Variants in CLIC4 observed in about 807,000 individuals in gnomAD.
CLIC4 encodes CLIC family member 4, also known as chloride intracellular channel protein 4.
In CLIC4, 13 loss-of-function variants were observed where a neutral mutation model predicts 24.6. The ratio of observed to expected loss-of-function variants is 0.53; its 90% confidence interval spans 0.34 to 0.84. The LOEUF (loss-of-function observed/expected upper bound fraction) is 0.84. Ranked by LOEUF, CLIC4 falls within the 40% of genes least tolerant of loss-of-function variation. The pLI, the probability that CLIC4 is intolerant of heterozygous loss-of-function variation, is 0.01. For missense variants in CLIC4, 227 were observed against 301.7 expected, an observed-to-expected ratio of 0.75 and a Z score of 1.83; for synonymous variants, 104 against 111.3, an observed-to-expected ratio of 0.93 and a Z score of 0.41.
intron 1 of CLIC4, among the ~76,000 whole-genome samples, chr1:24,784,209 A>C (rs1639238638): frequency 2.0e-5 from 3 of 152,214 alleles, no homozygotes; most frequent in African/African-American, 7.2e-5. Flanking sequence ...GGTACACAAC[A>C]AACAACTCCC....
Position 24,840,940 on chromosome 1 carries a change from T to A in CLIC4, c.*3T>A. 1 of 1,590,386 alleles carries A rather than the reference T, an allele frequency of 6.3e-7. No homozygotes were observed. The highest frequency in any genetic ancestry group is 8.5e-7 in the Non-Finnish European group (1 of 1,170,416). ...TAGCCAAAAGACTCACCAAGTAAAA[T>A]CGCGTTTGTAAAAGAGATGTCTTCA... On this transcript the variant is annotated 3_prime_UTR_variant, in exon 6 of 6. Coordinates refer to ENST00000374379, the MANE Select transcript of CLIC4 (RefSeq NM_013943.3).
rs901916932 is a variant in CLIC4, at chr1:24,841,562, A to C, written c.*625A>C. ...GTAGATAGATTTTTACTTTTGCCTA[A>C]AAGCATTTATCCTTCATACCAATTG... On this transcript the variant is annotated 3_prime_UTR_variant, in exon 6 of 6. Coordinates refer to ENST00000374379, the MANE Select transcript of CLIC4 (RefSeq NM_013943.3). The C allele has an allele frequency of 3.3e-5, 5 of 152,154 alleles. No homozygotes were observed. Among genetic ancestry groups the C allele is most frequent in the African/African-American group, 9.7e-5 (4 of 41,446 alleles). 9.4% of individuals were successfully genotyped at this position (152,154 alleles called of 1,614,324 possible).
chr1:24,763,565 C>CA (rs1265212156), intron 1 of CLIC4, among the ~76,000 whole-genome samples: 13 of 144,032 alleles, frequency 9.0e-5, no homozygotes, highest in Non-Finnish European at 1.7e-4. Flanking sequence ...GAATTAAGTT[C>CA]AAATCTATAG....
intron 1 of CLIC4, 37 bp downstream of exon 1, chr1:24,745,662 C>T: frequency 2.0e-6 from 3 of 1,502,914 alleles, no homozygotes; most frequent in Non-Finnish European, 2.7e-6. Context: ...CGGCAGATCC[C>T]CCGGCTCCCT....
chr1:24,836,770 C>T (rs906528076), intron 4 of CLIC4, among the ~76,000 whole-genome samples: 3 of 152,068 alleles, frequency 2.0e-5, no homozygotes, highest in African/African-American at 7.2e-5. Context: ...CCCAGGAGTT[C>T]GAGGTTGCAG....
intron 4 of CLIC4, among the ~76,000 whole-genome samples, chr1:24,835,901 A>G (rs897312528): frequency 3.9e-5 from 6 of 152,254 alleles, no homozygotes; most frequent in African/African-American, 9.6e-5. Flanking sequence ...CATTATTTAA[A>G]TATTCCAAAT....
intron 1 of CLIC4, among the ~76,000 whole-genome samples, chr1:24,786,552 T>C (rs537175764): frequency 6.6e-6 from 1 of 152,234 alleles, no homozygotes; most frequent in Non-Finnish European, 1.5e-5. Flanking sequence ...AGAGATTCAT[T>C]GTTATTTCTG....
chr1:24,761,170 G>A (rs1214080114), intron 1 of CLIC4, among the ~76,000 whole-genome samples: 2 of 152,194 alleles, frequency 1.3e-5, no homozygotes, highest in Non-Finnish European at 2.9e-5. Context: ...GGAAAAGGCT[G>A]TGGGAAGGGC....
intron 3 of CLIC4, among the ~76,000 whole-genome samples, chr1:24,825,217 G>A (rs1639776076): frequency 6.6e-6 from 1 of 152,286 alleles, no homozygotes; most frequent in East Asian, 1.9e-4. Context: ...GCTAAATAGT[G>A]GTTGCGGAAA....
intron 1 of CLIC4, among the ~76,000 whole-genome samples, chr1:24,777,284 G>A (rs1212810591): frequency 1.3e-5 from 2 of 152,188 alleles, no homozygotes; most frequent in East Asian, 1.9e-4. Flanking sequence ...GGTGGCTCAC[G>A]CCTATAATGC....
At chr1:24,755,507 G>T (rs1049253113) in intron 1 of CLIC4, among the ~76,000 whole-genome samples, 4 of 151,566 alleles carry the variant, frequency 2.6e-5, no homozygotes, top group African/African-American at 9.7e-5. Flanking sequence ...GCTTTGGCAG[G>T]CTGAGGCCGG....
intron 1 of CLIC4, among the ~76,000 whole-genome samples, chr1:24,788,674 A>G (rs1385096445): frequency 6.6e-6 from 1 of 152,216 alleles, no homozygotes; most frequent in Admixed American, 6.5e-5. Context: ...TATGTCACAT[A>G]TTATGCATTT....
intron 1 of CLIC4, among the ~76,000 whole-genome samples, chr1:24,777,370 C>T (rs760800474): frequency 5.9e-5 from 9 of 152,116 alleles, no homozygotes; most frequent in Admixed American, 1.3e-4. Flanking sequence ...ATGGTGAAAC[C>T]CTGTCTCTAC....
chr1:24,842,398 A>AT lies in CLIC4; in HGVS notation c.*1468dup, dbSNP rs1357705248. On this transcript the variant is annotated 3_prime_UTR_variant, in exon 6 of 6. Coordinates refer to ENST00000374379, the MANE Select transcript of CLIC4 (RefSeq NM_013943.3). ...TTGTGACTATAATACATTTTTGGTA[A>AT]TTTTTTTATACCTAATTTGTATAGG... 1.3e-5 allele frequency: 2 copies of AT among 152,062 alleles called. No individual in the cohort carries two copies. The highest frequency in any genetic ancestry group is 1.9e-4 in the East Asian group (1 of 5,196). 9.4% of individuals were successfully genotyped at this position (152,062 alleles called of 1,614,324 possible).
At chr1:24,753,248 G>A (rs1270092532) in intron 1 of CLIC4, among the ~76,000 whole-genome samples, 1 of 152,080 alleles carries the variant, frequency 6.6e-6, no homozygotes, top group Non-Finnish European at 1.5e-5. Context: ...TGATCACAAA[G>A]GTCTCTTCTA....
chr1:24,793,750 T>C (rs1274816323), intron 1 of CLIC4, among the ~76,000 whole-genome samples: 1 of 152,158 alleles, frequency 6.6e-6, no homozygotes, highest in Non-Finnish European at 1.5e-5. Flanking sequence ...AACTGTTCCA[T>C]GCTGTCTGAT....
At chr1:24,808,659 C>T (rs1017673363) in intron 2 of CLIC4, among the ~76,000 whole-genome samples, 11 of 145,278 alleles carry the variant, frequency 7.6e-5, no homozygotes, top group African/African-American at 2.8e-4. Flanking sequence ...GATGGGAGAT[C>T]TATCTATCTA....
intron 1 of CLIC4, among the ~76,000 whole-genome samples, chr1:24,782,249 A>G (rs1273435176): frequency 6.6e-6 from 1 of 152,224 alleles, no homozygotes; most frequent in Non-Finnish European, 1.5e-5. Flanking sequence ...ACCATGATTT[A>G]TTGGGAGATG....
At chr1:24,805,601 A>T (rs1639541851) in intron 2 of CLIC4, among the ~76,000 whole-genome samples, 1 of 152,066 alleles carries the variant, frequency 6.6e-6, no homozygotes, top group South Asian at 2.1e-4. Context: ...CTTTCTGGAG[A>T]AAAAAGGAGC....
Sources: gnomAD v4.1 joint callset for allele counts (sites outside exome capture counted in the v4.1 genomes callset) on GRCh38, gnomAD v4.1.1 for gene constraint, MANE v1.5 for transcripts, NCBI Gene and HGNC (gene_info 2026-07-23, HGNC 2026-07-21) for gene names.